Variants in PRR33 observed in about 807,000 individuals in gnomAD.
PRR33 encodes the protein proline-rich protein 33.
A neutral mutation model predicts 0.5 loss-of-function variants in PRR33; 1 was observed. The ratio of observed to expected loss-of-function variants is 2.18; its 90% CI spans 0.77 to 10.34. The LOEUF (loss-of-function observed/expected upper bound fraction) is 10.34. Among genes scored for constraint, PRR33 ranks in the 30% most tolerant of loss-of-function variants. The pLI is 0.13. For synonymous variants in PRR33, 226 were observed against 110.0 expected, an observed-to-expected ratio of 2.06 and a Z score of -6.60; for missense variants, 552 against 251.8, an observed-to-expected ratio of 2.19 and a Z score of -8.07.
At chr11:1,893,025 G>A (rs1446574705), upstream of PRR33, among the ~76,000 whole-genome samples, 1 of 151,270 alleles carries the variant, frequency 6.6e-6, no homozygotes, top group Non-Finnish European at 1.5e-5. Flanking sequence ...ATGGATGGAT[G>A]AGTGGACGGA....
the PRR33 span, among the ~76,000 whole-genome samples, chr11:1,897,697 CT>C: frequency 6.6e-6 from 1 of 152,230 alleles, no homozygotes; most frequent in Non-Finnish European, 1.5e-5. This position sits in a 1 kb window ranked among gnomAD's most constrained non-coding sequence, Gnocchi z 4.0. Flanking sequence ...GTCACCGCCA[CT>C]TCCAGCTTCC....
At chr11:1,897,335 C>A in the PRR33 span, among the ~76,000 whole-genome samples, 2 of 152,314 alleles carry the variant, frequency 1.3e-5, no homozygotes, top group South Asian at 4.1e-4. The surrounding 1 kb of genome is among the most constrained non-coding windows in gnomAD (Gnocchi z 4.0). Flanking sequence ...GTCCCAAGCC[C>A]CACTGGGAAA....
At chr11:1,906,293 C>T in the PRR33 span, among the ~76,000 whole-genome samples, 1 of 152,078 alleles carries the variant, frequency 6.6e-6, no homozygotes, top group Non-Finnish European at 1.5e-5. Flanking sequence ...AAGTTTTATT[C>T]GTTACATCAT....
upstream of PRR33, among the ~76,000 whole-genome samples, chr11:1,894,799 A>G (rs1357207659): frequency 1.3e-5 from 2 of 152,194 alleles, no homozygotes; most frequent in Non-Finnish European, 2.9e-5. Flanking sequence ...TTTCAGAAGG[A>G]CATACATTTC....
chr11:1,890,176 T>C, exon 1 of PRR33: 1 of 716,754 alleles, frequency 1.4e-6, no homozygotes, highest in Non-Finnish European at 2.6e-6. Flanking sequence ...CTGCGCTGGG[T>C]GAGGCCGATG....
At chr11:1,913,640 CT>C in the PRR33 span, among the ~76,000 whole-genome samples, 2 of 152,222 alleles carry the variant, frequency 1.3e-5, no homozygotes, top group Non-Finnish European at 2.9e-5. Context: ...GGGCCGCCTT[CT>C]AGTTAGTTGG....
the PRR33 span, among the ~76,000 whole-genome samples, chr11:1,911,597 T>C: frequency 6.6e-6 from 1 of 151,916 alleles, no homozygotes; most frequent in South Asian, 2.1e-4. Context: ...TTTTTTGTAT[T>C]TTTGGTAGAG....
the PRR33 span, among the ~76,000 whole-genome samples, chr11:1,911,707 C>T: frequency 6.6e-6 from 1 of 151,380 alleles, no homozygotes; most frequent in Non-Finnish European, 1.5e-5. Flanking sequence ...AGGCGTGAGT[C>T]ACTGCGCCCG....
chr11:1,896,851 C>T (rs963091778), upstream of PRR33, among the ~76,000 whole-genome samples: 3 of 152,166 alleles, frequency 2.0e-5, no homozygotes, highest in Non-Finnish European at 2.9e-5. Flanking sequence ...CAGGAACCGA[C>T]GTTGGATTTT....
chr11:1,895,575 C>G (rs1849115308), upstream of PRR33, among the ~76,000 whole-genome samples: 1 of 152,110 alleles, frequency 6.6e-6, no homozygotes, highest in African/African-American at 2.4e-5. Context: ...TCAATTTGTT[C>G]TTTTAGGAAT....
At chr11:1,907,626 C>T in the PRR33 span, among the ~76,000 whole-genome samples, 1 of 152,164 alleles carries the variant, frequency 6.6e-6, no homozygotes, top group South Asian at 2.1e-4. Flanking sequence ...GTTGGCCAGG[C>T]ACGTCTCGAA....
the PRR33 span, among the ~76,000 whole-genome samples, chr11:1,916,595 G>A: frequency 6.6e-6 from 1 of 152,128 alleles, no homozygotes; most frequent in African/African-American, 2.4e-5. Context: ...TCAGCACTGG[G>A]GTGCAGAGTG....
upstream of PRR33, among the ~76,000 whole-genome samples, chr11:1,896,246 T>C (rs1302914348): frequency 6.6e-6 from 1 of 152,130 alleles, no homozygotes; most frequent in Non-Finnish European, 1.5e-5. Context: ...GCAGGGAGAG[T>C]TGACATCTTA....
the PRR33 span, among the ~76,000 whole-genome samples, chr11:1,912,061 A>G: frequency 2.0e-5 from 3 of 147,834 alleles, no homozygotes; most frequent in East Asian, 6.1e-4. Flanking sequence ...GGTCCCAGCT[A>G]TGTGAGAGGG....
chr11:1,904,655 G>A, the PRR33 span, among the ~76,000 whole-genome samples: 34 of 151,572 alleles, frequency 2.2e-4, 2 homozygotes, highest in African/African-American at 8.0e-4. Flanking sequence ...CGAGACCAGC[G>A]TGCCACCACA....
At chr11:1,903,742 T>G in the PRR33 span, among the ~76,000 whole-genome samples, 1 of 152,196 alleles carries the variant, frequency 6.6e-6, no homozygotes, top group African/African-American at 2.4e-5. Context: ...CATTTTACAT[T>G]AAATCTTGGC....
At chr11:1,907,903 G>A in the PRR33 span, 2 of 152,028 alleles carry the variant, frequency 1.3e-5, no homozygotes, top group African/African-American at 4.8e-5. Context: ...CCACCCCCAG[G>A]TTCCCGTGCA....
chr11:1,917,683 C>T, the PRR33 span, among the ~76,000 whole-genome samples: 1 of 152,246 alleles, frequency 6.6e-6, no homozygotes, highest in African/African-American at 2.4e-5. Context: ...CTGTGCAGTC[C>T]CTGCTACGCC....
At chr11:1,911,663 C>T in the PRR33 span, among the ~76,000 whole-genome samples, 8 of 151,134 alleles carry the variant, frequency 5.3e-5, no homozygotes, top group African/African-American at 9.7e-5. Context: ...TCAAGTGATT[C>T]GCCTGCCTCG....
Sources: allele counts gnomAD v4.1 joint callset (sites outside exome capture counted in the v4.1 genomes callset), GRCh38; gene constraint gnomAD v4.1.1; non-coding constraint Gnocchi (gnomAD v3.1); transcripts MANE v1.5; gene names NCBI Gene and HGNC (gene_info 2026-07-23, HGNC 2026-07-21).